Variants in COL12A1 observed in about 807,000 individuals in gnomAD.
COL12A1 encodes collagen alpha-1(XII) chain.
A neutral mutation model predicts 349.7 loss-of-function variants in COL12A1; 114 were observed. The ratio of observed to expected loss-of-function variants is 0.33; its 90% CI spans 0.28 to 0.38. COL12A1 has a LOEUF of 0.38. Ranked by LOEUF, COL12A1 falls within the 10% of genes least tolerant of loss-of-function variation. The pLI is 1.00. For synonymous variants in COL12A1, 1,369 were observed against 1,329.0 expected (o/e 1.03, Z -0.66); for missense variants, 3,284 against 3,756.9 (o/e 0.87, Z 3.29).
Position 75,175,134 on chromosome 6 carries a change from C to T in COL12A1, c.2614G>A (p.Gly872Arg). 1.2e-6 allele frequency: 2 copies of T among 1,614,108 alleles called. No individual in the cohort carries two copies. The highest frequency in any genetic ancestry group is 1.7e-6 in the Non-Finnish European group (2 of 1,180,018). Reference protein sequence around the residue: ...RGDTTNTVLQGLKEGTQYALS... With the variant: ...RGDTTNTVLQRLKEGTQYALS... Reference sequence around the variant, plus strand: ...GCGTATTGTGTCCCTTCCTTCAATCCCTGCAGCACCGTATTGGTTGTATCT... The same window carrying T: ...GCGTATTGTGTCCCTTCCTTCAATCTCTGCAGCACCGTATTGGTTGTATCT... The change falls in exon 13 of 66, where the codon GGA (glycine) becomes AGA (arginine). Residue 872 changes from glycine to arginine, a missense_variant. Physicochemically the swap from Gly to Arg is moderately radical, Grantham distance 125. Around this residue, in one of 2 missense-constraint regions of COL12A1, gnomAD observed 2,601 missense variants for 2,824.8 expected, o/e 0.92. Transcript: ENST00000322507.
In COL12A1 at chr6:75,183,347, C is replaced by A; in HGVS notation, c.1594G>T (p.Val532Leu). ...AMTYVREKIF[V>L]PSKGSRSNVP... is the part of the protein sequence containing the mutation. ...TTGCTTCTTGATCCCTTGCTAGGCA[C>A]AAATATTTTCTCTCTGACATAAGTC... Residue 532 changes from valine to leucine, a missense_variant, in exon 10 of 66, where the codon GTG (valine) becomes TTG (leucine). Val to Leu is a conservative substitution (Grantham distance 32, BLOSUM62 1). Around this residue, in one of 2 missense-constraint regions of COL12A1, gnomAD observed 2,601 missense variants for 2,824.8 expected, o/e 0.92. Transcript: ENST00000322507. 2 of 1,614,196 alleles carry A rather than the reference C, an allele frequency of 1.2e-6. No individual in the cohort carries two copies. Among genetic ancestry groups the A allele is most frequent in the Non-Finnish European group, 1.7e-6 (2 of 1,180,034 alleles).
At chr6:75,185,112 G>T (rs2149468876) in intron 8 of COL12A1, among the ~76,000 whole-genome samples, 1 of 152,322 alleles carries the variant, frequency 6.6e-6, no homozygotes, top group Non-Finnish European at 1.5e-5. Context: ...AGTATTGGAA[G>T]TTCTGGCCAG....
intron 47 of COL12A1, among the ~76,000 whole-genome samples, chr6:75,116,497 A>G (rs1276975259): frequency 1.3e-5 from 2 of 151,848 alleles, no homozygotes; most frequent in East Asian, 1.9e-4. Flanking sequence ...AGTGTGCAGT[A>G]GTTTTTGCTC....
Position 75,130,123 on chromosome 6 carries a change from A to G in COL12A1, c.6178T>C (p.Ser2060Pro), listed in dbSNP as rs745845410. Residue 2060 changes from serine (S) to proline (P), a missense_variant, in exon 37 of 66, where the codon TCT (serine) becomes CCT (proline). By Grantham distance (74) the Ser-to-Pro change is moderately conservative. Coordinates refer to ENST00000322507, the MANE Select transcript of COL12A1 (RefSeq NM_004370.6). ...TCAATTGGATCACCAACAGTGGGAG[A>G]ATAGATGATCCTGTACTGCTGAACT... ...GPVQQYRIIY[S>P]PTVGDPIDEY... 6.2e-7 allele frequency: 1 copy of G among 1,614,004 alleles called. No individual in the cohort carries two copies. The highest frequency in any genetic ancestry group is 8.5e-7 in the Non-Finnish European group (1 of 1,179,974).
In COL12A1 at chr6:75,183,297, G is replaced by C. The variant is rs147111006; in HGVS notation, c.1644C>G (p.Ile548Met). 3.6e-5 allele frequency: 58 copies of C among 1,614,180 alleles called. No homozygotes were observed. The South Asian group carries it at 6.1e-4, about 17-fold the overall frequency. Reference protein sequence around the residue: ...RSNVPKVMILITDGKSSDAFR... With the variant: ...RSNVPKVMILMTDGKSSDAFR... ...AAGCATCTGATGATTTCCCATCCGT[G>C]ATAAGAATCATGACCTTTGGCACAT... The change falls in exon 10 of 66, where the codon ATC becomes ATG. Residue 548 changes from isoleucine (I) to methionine (M), a missense_variant. By Grantham distance (10) the Ile-to-Met change is conservative. Around this residue, in one of 2 missense-constraint regions of COL12A1, gnomAD observed 2,601 missense variants for 2,824.8 expected, o/e 0.92. Transcript: ENST00000322507.
intron 1 of COL12A1, among the ~76,000 whole-genome samples, chr6:75,204,771 T>TA (rs543931768): frequency 2.1e-3 from 312 of 151,996 alleles, no homozygotes; most frequent in Non-Finnish European, 3.5e-3. Flanking sequence ...CGCGTCCAGT[T>TA]AAAAAGAAAA....
At chr6:75,111,875 G>C (rs1038806754) in intron 51 of COL12A1, among the ~76,000 whole-genome samples, 1 of 151,440 alleles carries the variant, frequency 6.6e-6, no homozygotes, top group African/African-American at 2.4e-5. Flanking sequence ...TTGATGAGGA[G>C]AGTCCTTTAC....
At chr6:75,123,048 G>A (rs1213793934) in intron 43 of COL12A1, among the ~76,000 whole-genome samples, 1 of 152,206 alleles carries the variant, frequency 6.6e-6, no homozygotes, top group Non-Finnish European at 1.5e-5. Flanking sequence ...TGTCCACCAT[G>A]TAACTATGGA....
chr6:75,130,219 G>T lies in COL12A1; in HGVS notation c.6082C>A (p.Pro2028Thr). 6.2e-7 allele frequency: 1 copy of T among 1,613,806 alleles called. No individual in the cohort carries two copies. Among genetic ancestry groups the T allele is most frequent in the East Asian group, 2.2e-5 (1 of 44,848 alleles). ...AQGRTLPRSGPRNLRVFGETT... is the reference protein window; with the variant it reads ...AQGRTLPRSGTRNLRVFGETT... ...TCACCAAAGACTCTCAGGTTCCTTG[G>T]TCCACTGCGTGGTACTAAATAAATA... The change falls in exon 37 of 66, where the codon CCA (proline) becomes ACA (threonine). Residue 2028 changes from proline to threonine, a missense_variant. Physicochemically the swap from Pro to Thr is conservative, Grantham distance 38. Transcript: ENST00000322507.
intron 11 of COL12A1, among the ~76,000 whole-genome samples, chr6:75,178,173 A>G (rs907100253): frequency 3.9e-5 from 6 of 152,202 alleles, no homozygotes; most frequent in African/African-American, 7.2e-5. Flanking sequence ...TAATTTTTTA[A>G]TTACATAAAG....
Position 75,152,180 on chromosome 6 carries a change from C to A in COL12A1, c.3786G>T (p.Leu1262Phe). 1 of 1,613,850 alleles carries A rather than the reference C, an allele frequency of 6.2e-7. No homozygotes were observed. The highest frequency in any genetic ancestry group is 1.1e-5 in the South Asian group (1 of 91,088). ...ACGGCAAGTTTGCCACAGCTTGCAA[C>A]AAGCTCTTCTTGTCTCTGTGTGCAT... ...QLNAHRDKKS[L>F]LQAVANLPYK... Residue 1262 changes from leucine (L) to phenylalanine (F), a missense_variant, in exon 19 of 66, where the codon TTG becomes TTT. Physicochemically the swap from Leu to Phe is conservative, Grantham distance 22. Coordinates refer to ENST00000322507, the MANE Select transcript of COL12A1 (RefSeq NM_004370.6).
intron 52 of COL12A1, among the ~76,000 whole-genome samples, chr6:75,108,111 A>AC (rs1180364614): frequency 6.6e-6 from 1 of 152,114 alleles, no homozygotes; most frequent in East Asian, 1.9e-4. Flanking sequence ...ACAGGGTCTC[A>AC]GTCTGTCACC....
chr6:75,160,452 G>A (rs1034420558), intron 14 of COL12A1, among the ~76,000 whole-genome samples: 7 of 152,282 alleles, frequency 4.6e-5, no homozygotes, highest in South Asian at 2.1e-4. Flanking sequence ...GGTTTCTGCT[G>A]AGTTATCCAC....
intron 58 of COL12A1, among the ~76,000 whole-genome samples, chr6:75,099,357 A>AAATTCCCTATAATATT (rs1247531060): frequency 5.3e-5 from 8 of 152,194 alleles, no homozygotes; most frequent in African/African-American, 1.7e-4. Context: ...CTTAAGAAAA[A>AAATTCCCTATAATATT]AATTCCCTAT....
intron 47 of COL12A1, among the ~76,000 whole-genome samples, chr6:75,116,765 C>A (rs1769102874): frequency 6.6e-6 from 1 of 152,080 alleles, no homozygotes; most frequent in Non-Finnish European, 1.5e-5. Context: ...TAGCCACAGA[C>A]CCCTGATCAA....
At chr6:75,174,296 G>A (rs987071419) in intron 13 of COL12A1, among the ~76,000 whole-genome samples, 30 of 152,108 alleles carry the variant, frequency 2.0e-4, no homozygotes, top group Non-Finnish European at 3.5e-4. Context: ...GGTGGCTCAG[G>A]CCTGTAATCC....
intron 16 of COL12A1, among the ~76,000 whole-genome samples, chr6:75,155,094 A>C (rs1767685413): frequency 6.6e-6 from 1 of 152,184 alleles, no homozygotes; most frequent in Non-Finnish European, 1.5e-5. Context: ...CATTCTTTTT[A>C]CTGTAATGAA....
intron 14 of COL12A1, among the ~76,000 whole-genome samples, chr6:75,164,244 T>C (rs1768167733): frequency 6.6e-6 from 1 of 152,172 alleles, no homozygotes; most frequent in South Asian, 2.1e-4. Flanking sequence ...AAATTTAAAC[T>C]TGAACATCCA....
chr6:75,107,772 T>C (rs1050115269), intron 52 of COL12A1, among the ~76,000 whole-genome samples: 35 of 152,218 alleles, frequency 2.3e-4, no homozygotes, highest in Non-Finnish European at 4.3e-4. Context: ...AATAAACCAC[T>C]TTTGATAAAA....
Sources: allele counts gnomAD v4.1 joint callset (sites outside exome capture counted in the v4.1 genomes callset), GRCh38; gene constraint gnomAD v4.1.1; regional missense constraint gnomAD v4.1.1; transcripts MANE v1.5; gene names NCBI Gene and HGNC (gene_info 2026-07-23, HGNC 2026-07-21).